The following VPS33A variants were observed in gnomAD, a reference collection of about 807,000 sequenced individuals.
The protein encoded by VPS33A is VPS33A core subunit of CORVET and HOPS complexes.
Under a neutral mutation model 71.8 loss-of-function variants are expected in VPS33A, and 32 were observed. That is an observed-to-expected ratio of 0.45 (90% CI 0.34 to 0.60). The LOEUF (loss-of-function observed/expected upper bound fraction) is 0.60. Ranked by LOEUF, VPS33A falls within the 20% of genes least tolerant of loss-of-function variation. The probability of loss-of-function intolerance (pLI) is 0.02; values close to 1 mark genes in which losing one functional copy is unlikely to be tolerated. For missense variants in VPS33A, 625 were observed against 748.5 expected (o/e 0.84, Z 1.92); for synonymous variants, 311 against 292.7 (o/e 1.06, Z -0.64).
intron 6 of VPS33A, among the ~76,000 whole-genome samples, chr12:122,246,757 A>C (rs1275296625): frequency 6.6e-6 from 1 of 150,692 alleles, no homozygotes; most frequent in Non-Finnish European, 1.5e-5. Context: ...CCGCCACCAT[A>C]CCTGGCTAAT....
intron 3 of VPS33A, among the ~76,000 whole-genome samples, chr12:122,261,712 T>C (rs1326996505): frequency 6.6e-6 from 1 of 151,988 alleles, no homozygotes; most frequent in Non-Finnish European, 1.5e-5. Context: ...CTATAAAATA[T>C]ACAAAAATGG....
intron 9 of VPS33A, among the ~76,000 whole-genome samples, chr12:122,239,361 A>G (rs1954677685): frequency 6.6e-6 from 1 of 152,242 alleles, no homozygotes; most frequent in Non-Finnish European, 1.5e-5. Context: ...CATGTATGGC[A>G]GAAAGTGTCT....
intron 1 of VPS33A, chr12:122,265,792 G>A (rs1955060367): frequency 2.3e-6 from 1 of 439,954 alleles, no homozygotes; most frequent in African/African-American, 2.0e-5. Context: ...TCTAGTTCCT[G>A]ACTCCCTTGT....
intron 10 of VPS33A, among the ~76,000 whole-genome samples, chr12:122,237,403 C>A (rs1170907176): frequency 1.3e-5 from 2 of 152,082 alleles, no homozygotes; most frequent in African/African-American, 2.4e-5. Flanking sequence ...AGTTTTTCAT[C>A]CATAAAACTG....
rs1241798389 is a variant in VPS33A at position 122,229,770 on chromosome 12, A to AG, written c.*2475_*2476insC. ...CTTACACAAAGGCGTATAATATATA[A>AG]TTATCTACCATTTTCTATTTGCATA... On this transcript the variant is annotated 3_prime_UTR_variant, in exon 13 of 13. Coordinates refer to ENST00000267199, the MANE Select transcript of VPS33A (RefSeq NM_022916.6). 24 of 152,246 alleles carry AG rather than the reference A, an allele frequency of 1.6e-4. No homozygotes were observed. Among genetic ancestry groups the AG allele is most frequent in the Admixed American group, 1.4e-3 (21 of 15,282 alleles). 9.4% of individuals were successfully genotyped at this position (152,246 alleles called of 1,614,324 possible).
At chr12:122,250,333 A>G (rs1566046067) in intron 5 of VPS33A, among the ~76,000 whole-genome samples, 1 of 152,240 alleles carries the variant, frequency 6.6e-6, no homozygotes, top group Non-Finnish European at 1.5e-5. Flanking sequence ...AAATTAGCGA[A>G]GATGGAACCA....
At chr12:122,240,492 C>T (rs1184983753) in intron 8 of VPS33A, among the ~76,000 whole-genome samples, 4 of 152,146 alleles carry the variant, frequency 2.6e-5, no homozygotes, top group Non-Finnish European at 4.4e-5. Flanking sequence ...CTTAGGATTT[C>T]AGTACAGACC....
intron 11 of VPS33A, among the ~76,000 whole-genome samples, chr12:122,235,326 A>G (rs1257424604): frequency 1.4e-5 from 2 of 146,676 alleles, no homozygotes; most frequent in African/African-American, 2.5e-5. Context: ...GTGCAATGGC[A>G]TGATCTGAGC....
chr12:122,250,424 C>T (rs565925850), intron 5 of VPS33A, among the ~76,000 whole-genome samples: 1 of 152,288 alleles, frequency 6.6e-6, no homozygotes, highest in Admixed American at 6.5e-5. Flanking sequence ...ATACGTAACC[C>T]AGTTTTATAT....
intron 6 of VPS33A, among the ~76,000 whole-genome samples, chr12:122,245,256 G>T (rs1347965270): frequency 6.6e-6 from 1 of 151,968 alleles, no homozygotes; most frequent in South Asian, 2.1e-4. Flanking sequence ...TGGTGGCTTC[G>T]TTTTATTTTT....
chr12:122,239,869 T>C lies in VPS33A; in HGVS notation c.1164+9A>G, dbSNP rs1026392674. ...ATTACTTGTTAAAGAGGTTTTTTTG[T>C]CCACATACCTTATCAGTGTCTATTC... On this transcript the variant is annotated intron_variant, in intron 9 of 12. Transcript: ENST00000267199. 3 of 1,606,084 alleles carry C rather than the reference T, an allele frequency of 1.9e-6. No homozygotes were observed. The highest frequency in any genetic ancestry group is 2.6e-6 in the Non-Finnish European group (3 of 1,175,912).
At chr12:122,264,942 ATTT>A (rs1002403245) in intron 1 of VPS33A, 2 of 145,982 alleles carry the variant, frequency 1.4e-5, no homozygotes. Flanking sequence ...GCAAAAGAGG[ATTT>A]TTTTTCTTTT....
chr12:122,250,874 CATAA>C, intron 5 of VPS33A, 105 bp downstream of exon 5: 1 of 793,572 alleles, frequency 1.3e-6, no homozygotes, highest in African/African-American at 1.7e-5. Context: ...GTACAGTATT[CATAA>C]ATAATTAAGA....
At chr12:122,265,352 C>T (rs1046652067) in intron 1 of VPS33A, among the ~76,000 whole-genome samples, 2 of 152,130 alleles carry the variant, frequency 1.3e-5, no homozygotes, top group East Asian at 3.8e-4. Context: ...TGAGTCATTG[C>T]TTTGGGCCCC....
chr12:122,265,780 G>C (rs1018608569), intron 1 of VPS33A: 3 of 445,660 alleles, frequency 6.7e-6, no homozygotes, highest in Non-Finnish European at 1.4e-5. Context: ...TAAAATCTCT[G>C]ATCTAGTTCC....
chr12:122,236,738 C>T (rs959224601), intron 10 of VPS33A, among the ~76,000 whole-genome samples: 12 of 152,174 alleles, frequency 7.9e-5, no homozygotes, highest in Non-Finnish European at 1.0e-4. Flanking sequence ...TCAGTCATCC[C>T]GGCTCTAACC....
At chr12:122,242,285 T>C in intron 8 of VPS33A, 97 bp downstream of exon 8, 1 of 1,449,274 alleles carries the variant, frequency 6.9e-7, no homozygotes, top group East Asian at 2.3e-5. Context: ...CAGAGCTGAC[T>C]CTCCCGAAGA....
intron 10 of VPS33A, among the ~76,000 whole-genome samples, chr12:122,237,304 G>A (rs1000558007): frequency 6.6e-6 from 1 of 152,206 alleles, no homozygotes. Context: ...GAACATGGGC[G>A]CTACACTCAA....
rs916555931 is a variant in VPS33A at position 122,232,720 on chromosome 12, A to G, written c.1609+80T>C. 3.3e-6 allele frequency: 5 copies of G among 1,511,876 alleles called. No individual in the cohort carries two copies. In the African/African-American group the frequency reaches 4.2e-5, roughly 13 times the overall value. 93.7% of individuals were successfully genotyped at this position (1,511,876 alleles called of 1,614,324 possible). A position where few individuals can be genotyped will look rare whatever the true frequency, so the allele number is the denominator to read the frequency against. ...AATTCTGACTCCTAAGTGCTTTACT[A>G]TTTTACAAAGCAACTGTACAATACC... On this transcript the variant is annotated intron_variant, in intron 12 of 12. Coordinates refer to ENST00000267199, the MANE Select transcript of VPS33A (RefSeq NM_022916.6).
Sources: gnomAD v4.1 joint callset for allele counts (sites outside exome capture counted in the v4.1 genomes callset) on GRCh38, gnomAD v4.1.1 for gene constraint, MANE v1.5 for transcripts, NCBI Gene and HGNC (gene_info 2026-07-23, HGNC 2026-07-21) for gene names.